Variants in GRID1 observed in about 807,000 individuals in gnomAD.
The protein encoded by GRID1 is glutamate ionotropic receptor delta type subunit 1, also known as glutamate receptor ionotropic, delta-1.
Under a neutral mutation model 98.0 loss-of-function variants are expected in GRID1, and 28 were observed. The observed-to-expected ratio is 0.29, with a 90% CI of 0.21 to 0.39. GRID1 has a LOEUF of 0.39. GRID1 is among the 10% of genes least tolerant of loss of function. The pLI is 1.00. For missense variants in GRID1, 1,111 were observed against 1,340.5 expected (o/e 0.83, Z 2.67); for synonymous variants, 553 against 538.5 (o/e 1.03, Z -0.37).
At chr10:85,685,608 A>T (rs1045800760) in intron 12 of GRID1, among the ~76,000 whole-genome samples, 2 of 152,198 alleles carry the variant, frequency 1.3e-5, no homozygotes, top group African/African-American at 4.8e-5. Context: ...ACTCTTAGAG[A>T]CAAACTAGGT....
intron 2 of GRID1, among the ~76,000 whole-genome samples, chr10:86,359,412 C>T (rs1033851288): frequency 6.6e-6 from 1 of 152,090 alleles, no homozygotes; most frequent in Admixed American, 6.5e-5. Context: ...GCAGGGTGAC[C>T]ACCTAGGAGG....
intron 8 of GRID1, among the ~76,000 whole-genome samples, chr10:85,735,125 C>T (rs1015019320): frequency 6.6e-6 from 1 of 152,208 alleles, no homozygotes; most frequent in Admixed American, 6.5e-5. Flanking sequence ...ATGAGTGAGT[C>T]TACTCTGACT....
intron 3 of GRID1, among the ~76,000 whole-genome samples, chr10:86,141,685 C>T (rs780519715): frequency 2.0e-5 from 3 of 152,272 alleles, no homozygotes; most frequent in African/African-American, 2.4e-5. Context: ...CAATTACATG[C>T]TCAGCTCCTC....
chr10:86,285,540 GCCACCTCCAAGAGACCAGCACTGTGC>G (rs1291811174), intron 2 of GRID1, among the ~76,000 whole-genome samples: 2 of 152,210 alleles, frequency 1.3e-5, no homozygotes, highest in African/African-American at 2.4e-5. Context: ...GGAACCCTGT[GCCACCTCCAAGAGACCAGCACTGTGC>G]CCACCACCTG....
chr10:86,336,946 G>A (rs545956744), intron 2 of GRID1, among the ~76,000 whole-genome samples: 3 of 150,532 alleles, frequency 2.0e-5, no homozygotes, highest in African/African-American at 4.9e-5. Flanking sequence ...CTGGGTTCAC[G>A]CCATTCTCCT....
intron 6 of GRID1, among the ~76,000 whole-genome samples, chr10:85,861,215 C>T (rs1743535960): frequency 6.6e-6 from 1 of 152,172 alleles, no homozygotes; most frequent in African/African-American, 2.4e-5. Flanking sequence ...GTCCCTAAAG[C>T]CTTCCAAAGG....
At chr10:85,953,890 T>C (rs535007326) in intron 4 of GRID1, among the ~76,000 whole-genome samples, 1 of 152,322 alleles carries the variant, frequency 6.6e-6, no homozygotes, top group East Asian at 1.9e-4. Flanking sequence ...TGTTTTCCTA[T>C]TAAGCTTTTT....
At chr10:86,362,452 G>A (rs1848612493) in intron 2 of GRID1, among the ~76,000 whole-genome samples, 2 of 152,238 alleles carry the variant, frequency 1.3e-5, no homozygotes, top group Admixed American at 1.3e-4. Context: ...TACCTCAACA[G>A]ACATCTGACA....
chr10:85,685,155 A>G (rs943073161), intron 12 of GRID1, among the ~76,000 whole-genome samples: 1 of 152,250 alleles, frequency 6.6e-6, no homozygotes, highest in African/African-American at 2.4e-5. Context: ...TTCGCAAATG[A>G]TATGACTGTG....
intron 5 of GRID1, among the ~76,000 whole-genome samples, chr10:85,898,883 G>A (rs2131814197): frequency 6.6e-6 from 1 of 152,258 alleles, no homozygotes; most frequent in African/African-American, 2.4e-5. Context: ...TAAACCAATA[G>A]TATAGTCGCC....
chr10:86,242,954 T>C (rs2446016), intron 2 of GRID1, among the ~76,000 whole-genome samples: 132,523 of 152,194 alleles, frequency 0.87, 58,294 homozygotes, highest in African/African-American at 0.91. Flanking sequence ...CCTCACCAAA[T>C]TCCCCACCTC....
At chr10:85,921,178 G>A (rs1337321369) in intron 4 of GRID1, among the ~76,000 whole-genome samples, 2 of 152,242 alleles carry the variant, frequency 1.3e-5, no homozygotes, top group East Asian at 3.8e-4. Context: ...GCGAGGCTGG[G>A]TGCAGTCAGC....
intron 2 of GRID1, among the ~76,000 whole-genome samples, chr10:86,344,669 AC>A (rs1848357840): frequency 1.3e-5 from 2 of 152,210 alleles, no homozygotes. Context: ...CCCTGTCTTG[AC>A]ACCTGAATTT....
intron 5 of GRID1, among the ~76,000 whole-genome samples, chr10:85,892,523 G>A (rs531983771): frequency 2.2e-4 from 33 of 151,370 alleles, no homozygotes; most frequent in Admixed American, 1.1e-3. Context: ...CCTGAAGTCC[G>A]TGATACATCT....
Position 85,733,645 on chromosome 10 carries a change from T to A in GRID1, c.1234-4031A>T, listed in dbSNP as rs546444606. Among the ~76,000 whole-genome samples, 15 of 152,314 alleles carry A rather than the reference T, an allele frequency of 9.8e-5. No homozygotes were observed. The South Asian group carries it at 1.7e-3, about 17-fold the overall frequency. On this transcript the variant is annotated intron_variant, in intron 8 of 15. Transcript: ENST00000327946. ...GTGCCCAGCTGATTCTATTTTCTTA[T>A]CTATGAAATGGGAAATAAAAATCTT...
intron 4 of GRID1, among the ~76,000 whole-genome samples, chr10:85,951,485 C>T (rs1842125302): frequency 6.6e-6 from 1 of 152,148 alleles, no homozygotes; most frequent in Admixed American, 6.5e-5. Context: ...ACAACCAAAA[C>T]ACACTTCCCT....
intron 4 of GRID1, among the ~76,000 whole-genome samples, chr10:86,109,459 A>C (rs1844443888): frequency 6.6e-6 from 1 of 152,192 alleles, no homozygotes; most frequent in Admixed American, 6.5e-5. Flanking sequence ...GCCTGCCTCA[A>C]CATCTCAGTG....
chr10:85,958,214 T>C (rs1447775339), intron 4 of GRID1, among the ~76,000 whole-genome samples: 2 of 152,260 alleles, frequency 1.3e-5, no homozygotes, highest in African/African-American at 2.4e-5. Context: ...ACTTTTTTAC[T>C]GATGACAGTC....
chr10:86,104,249 G>A (rs1272004644), intron 4 of GRID1, among the ~76,000 whole-genome samples: 1 of 152,200 alleles, frequency 6.6e-6, no homozygotes, highest in African/African-American at 2.4e-5. Flanking sequence ...CCAGCTCAGA[G>A]CTCAGGGTGC....
Sources: allele counts gnomAD v4.1 joint callset (sites outside exome capture counted in the v4.1 genomes callset), GRCh38; gene constraint gnomAD v4.1.1; transcripts MANE v1.5; gene names NCBI Gene and HGNC (gene_info 2026-07-23, HGNC 2026-07-21).